Variants in C10orf143 observed in about 807,000 individuals in gnomAD.
The protein encoded by C10orf143 is chromosome 10 open reading frame 143, also known as uncharacterized protein C10orf143.
chr10:130,097,354 C>A (rs1861479382), intron 1 of C10orf143, among the ~76,000 whole-genome samples: 1 of 151,996 alleles, frequency 6.6e-6, no homozygotes, highest in Admixed American at 6.6e-5. Flanking sequence ...GGGTTTGAGA[C>A]CAGCCTGGGC....
chr10:130,092,070 C>T (rs137913802), intron 1 of C10orf143, among the ~76,000 whole-genome samples: 23,820 of 152,072 alleles, frequency 0.16, 2,501 homozygotes, highest in Non-Finnish European at 0.22. Flanking sequence ...GAGAACACCA[C>T]AAAGATACTC....
intron 1 of C10orf143, among the ~76,000 whole-genome samples, chr10:130,080,846 G>T (rs1360306096): frequency 2.0e-5 from 3 of 152,158 alleles, no homozygotes; most frequent in Non-Finnish European, 4.4e-5. Context: ...GACTAGAAAT[G>T]ATGCATTAAA....
At chr10:130,048,294 C>CCCA (rs1860699381) in intron 3 of C10orf143, among the ~76,000 whole-genome samples, 1 of 152,214 alleles carries the variant, frequency 6.6e-6, no homozygotes, top group Non-Finnish European at 1.5e-5. Context: ...CCTCCCTGGA[C>CCCA]CCACCTGCCT....
intron 1 of C10orf143, among the ~76,000 whole-genome samples, 156 bp downstream of exon 1, chr10:130,110,532 AGGCCACGCCCATCACT>A (rs149225053): frequency 0.039 from 5,940 of 152,304 alleles, 309 homozygotes; most frequent in East Asian, 0.12. Context: ...CCGCCCTAAC[AGGCCACGCCCATCACT>A]GGCCACGCCC....
At chr10:130,060,372 T>C (rs910556396), downstream of C10orf143, among the ~76,000 whole-genome samples, 1 of 152,168 alleles carries the variant, frequency 6.6e-6, no homozygotes, top group Admixed American at 6.5e-5. Flanking sequence ...AGCAAGTAGA[T>C]AGATACAACC....
intron 1 of C10orf143, among the ~76,000 whole-genome samples, chr10:130,099,019 C>T (rs111442187): frequency 2.7e-5 from 4 of 148,066 alleles, no homozygotes; most frequent in Admixed American, 7.0e-5. Flanking sequence ...ACCCAGGGGG[C>T]GGAGGTTGCA....
In C10orf143 at chr10:130,056,901, AT is replaced by A. The variant is rs1236326553; in HGVS notation, c.298-20932del. Among the ~76,000 whole-genome samples, 2 of 143,908 alleles carry A rather than the reference AT, an allele frequency of 1.4e-5. No homozygotes were observed. The highest frequency in any genetic ancestry group is 3.0e-5 in the Non-Finnish European group (2 of 65,728). The allele number at this position is 143,908 out of a possible 152,430, so 94.4% of individuals were successfully genotyped here. A position where few individuals can be genotyped will look rare whatever the true frequency, so the allele number is the denominator to read the frequency against. On this transcript the variant is annotated intron_variant and NMD_transcript_variant, in intron 3 of 5. Transcript: ENST00000643056. This position sits in a 1 kb window ranked among gnomAD's most constrained non-coding sequence, Gnocchi z 4.6. ...CCACTGTGCCCGGCCAGTTGCTTTC[AT>A]TTTTTATACAGAGTCTCACTGTGTC...
chr10:130,046,445 T>C (rs2134727857), intron 3 of C10orf143, among the ~76,000 whole-genome samples: 1 of 152,174 alleles, frequency 6.6e-6, no homozygotes, highest in Middle Eastern at 3.4e-3. Context: ...CTCTTAATTA[T>C]GTGTGACATA....
chr10:130,078,707 C>T (rs1237137174), intron 3 of C10orf143, among the ~76,000 whole-genome samples: 1 of 152,136 alleles, frequency 6.6e-6, no homozygotes, highest in Non-Finnish European at 1.5e-5. Flanking sequence ...CCGTTTGAAA[C>T]AAAATCAGTG....
intron 1 of C10orf143, among the ~76,000 whole-genome samples, chr10:130,100,896 G>A (rs2134806699): frequency 6.6e-6 from 1 of 152,190 alleles, no homozygotes; most frequent in East Asian, 1.9e-4. Context: ...GGAGAGGGGA[G>A]AAAAGGGACA....
At position 130,110,738 on chromosome 10, in the gene C10orf143, C is replaced by A. The variant is rs1249231102; in HGVS notation, c.35G>T (p.Arg12Leu). 5.0e-6 allele frequency: 2 copies of A among 398,896 alleles called. No individual in the cohort carries two copies. Among genetic ancestry groups the A allele is most frequent in the Non-Finnish European group, 8.8e-6 (2 of 226,154 alleles). 24.7% of individuals were successfully genotyped at this position (398,896 alleles called of 1,614,324 possible). A position where few individuals can be genotyped will look rare whatever the true frequency, so the allele number is the denominator to read the frequency against. Residue 12 changes from arginine (R) to leucine (L), a missense_variant, in exon 1 of 4, where the codon CGG becomes CTG. Arg to Leu is a moderately radical substitution (Grantham distance 102, BLOSUM62 -2). Transcript: ENST00000637128. ...CGGAACCTGCAGATCCTCCGCCCTC[C>A]GCTGTCGCCAGCGGCCGAGCGCTAA... ...DSLALGRWRQ[R>L]RAEDLQVPGD...
intron 1 of C10orf143, among the ~76,000 whole-genome samples, chr10:130,110,441 A>C (rs2134829860): frequency 6.6e-6 from 1 of 152,352 alleles, no homozygotes; most frequent in East Asian, 1.9e-4. Flanking sequence ...CTGGAGCCCC[A>C]GTGAGCGTGT....
chr10:130,078,416 T>C (rs1416846172), intron 3 of C10orf143, among the ~76,000 whole-genome samples: 1 of 152,228 alleles, frequency 6.6e-6, no homozygotes, highest in Non-Finnish European at 1.5e-5. Context: ...TAAGCATTAT[T>C]CGTTTGTATT....
At chr10:130,106,816 A>C (rs748624376) in intron 1 of C10orf143, 2 of 1,190,972 alleles carry the variant, frequency 1.7e-6, no homozygotes, top group South Asian at 2.4e-5. Flanking sequence ...AACAAGTTCT[A>C]AATGATAAAG....
chr10:130,093,852 T>C (rs1478884529), intron 1 of C10orf143, among the ~76,000 whole-genome samples: 2 of 151,768 alleles, frequency 1.3e-5, no homozygotes, highest in African/African-American at 4.8e-5. Context: ...CTACTAAAAA[T>C]ATAAAAAGTT....
intron 1 of C10orf143, chr10:130,108,169 C>A (rs567207459): frequency 5.3e-5 from 83 of 1,577,936 alleles, no homozygotes; most frequent in Non-Finnish European, 7.0e-5. Flanking sequence ...ATACAAGGGG[C>A]CCGTTCATGA....
At chr10:130,095,713 T>C (rs1861451515) in intron 1 of C10orf143, among the ~76,000 whole-genome samples, 2 of 107,292 alleles carry the variant, frequency 1.9e-5, no homozygotes, top group East Asian at 5.6e-4. Flanking sequence ...ATTTAATAAA[T>C]AGTGTTGGGA....
At position 130,110,800 on chromosome 10, in the gene C10orf143, A is replaced by G. The variant is rs1211268426; in HGVS notation, c.-28T>C. ...AGCCCCAGGGTCAAACCCTCCCGGC[A>G]TCTCAGGCCTGGCCGAGGCCCGCGC... On this transcript the variant is annotated 5_prime_UTR_variant, in exon 1 of 4. It removes an upstream start codon present in the reference 5' UTR. Coordinates refer to ENST00000637128, the MANE Select transcript of C10orf143 (RefSeq NM_001355042.2). 2 of 398,846 alleles carry G rather than the reference A, an allele frequency of 5.0e-6. No homozygotes were observed. The highest frequency in any genetic ancestry group is 8.8e-6 in the Non-Finnish European group (2 of 226,106). 24.7% of individuals were successfully genotyped at this position (398,846 alleles called of 1,614,324 possible).
intron 3 of C10orf143, among the ~76,000 whole-genome samples, chr10:130,042,661 C>T (rs1386163516): frequency 6.6e-6 from 1 of 152,218 alleles, no homozygotes; most frequent in Non-Finnish European, 1.5e-5. Flanking sequence ...GGTTTGGATC[C>T]ACCTCTCCGT....
Sources: gnomAD v4.1 joint callset for allele counts (sites outside exome capture counted in the v4.1 genomes callset) on GRCh38, gnomAD v4.1.1 for gene constraint, Gnocchi (gnomAD v3.1) non-coding constraint, MANE v1.5 for transcripts, NCBI Gene and HGNC (gene_info 2026-07-23, HGNC 2026-07-21) for gene names.